Variants in ALDH6A1 observed in about 807,000 individuals in gnomAD.
The protein encoded by ALDH6A1 is methylmalonate-semialdehyde/malonate-semialdehyde dehydrogenase [acylating], mitochondrial.
ALDH6A1 carries 43 observed loss-of-function variants against 62.6 expected under a neutral mutation model. The observed-to-expected ratio is 0.69, with a 90% CI of 0.54 to 0.89. The LOEUF (loss-of-function observed/expected upper bound fraction) is 0.89, where lower values mean the gene tolerates loss of function less well. ALDH6A1 is among the 40% of genes least tolerant of loss of function. The pLI is 0.00. For synonymous variants in ALDH6A1, 194 were observed against 234.2 expected, an observed-to-expected ratio of 0.83 and a Z score of 1.57; for missense variants, 551 against 661.3, an observed-to-expected ratio of 0.83 and a Z score of 1.83.
At chr14:74,079,127 G>A (rs2060644753) in intron 1 of ALDH6A1, among the ~76,000 whole-genome samples, 1 of 151,748 alleles carries the variant, frequency 6.6e-6, no homozygotes, top group South Asian at 2.1e-4. Flanking sequence ...CTCTTCAGGT[G>A]ATACCCACGT....
In ALDH6A1 at chr14:74,080,547, C is replaced by T. The variant is rs2060659912; in HGVS notation, c.48+3800G>A. Among the ~76,000 whole-genome samples the T allele has an allele frequency of 2.6e-5, 4 of 152,002 alleles. 1 individual carries two copies. In the South Asian group the frequency reaches 8.3e-4, roughly 32 times the overall value. On this transcript the variant is annotated intron_variant, in intron 1 of 11. Transcript: ENST00000553458. ...CTCGCTCTCAGGCTCAAGTGATCCT[C>T]TTGCCTCAGTCTCCCAAGTACCTAG...
At chr14:74,075,108 T>C (rs2060597596) in intron 1 of ALDH6A1, 91 bp from the exon 2 acceptor site, 6 of 1,147,186 alleles carry the variant, frequency 5.2e-6, no homozygotes, top group Non-Finnish European at 7.7e-6. Flanking sequence ...TTTGCTATAG[T>C]ATATAGGGGG....
At chr14:74,065,657 C>T (rs897020921) in intron 9 of ALDH6A1, 20 of 338,420 alleles carry the variant, frequency 5.9e-5, no homozygotes, top group East Asian at 1.9e-4. Flanking sequence ...AATACCTGAA[C>T]GACTAGTTTC....
intron 1 of ALDH6A1, among the ~76,000 whole-genome samples, chr14:74,078,731 G>T (rs1037621854): frequency 7.9e-5 from 12 of 151,620 alleles, no homozygotes; most frequent in Admixed American, 6.6e-4. Flanking sequence ...GTTTCAACAT[G>T]TTGGCCAGGC....
At chr14:74,072,454 A>G in intron 3 of ALDH6A1, 83 bp downstream of exon 3, 1 of 1,613,372 alleles carries the variant, frequency 6.2e-7, no homozygotes, top group South Asian at 1.1e-5. Flanking sequence ...GTGCTTTACA[A>G]CAGACACCCA....
rs749630423 is a variant in ALDH6A1 at position 74,075,030 on chromosome 14, A to C, written c.49-13T>G. 18 of 1,613,264 alleles carry C rather than the reference A, an allele frequency of 1.1e-5. No individual in the cohort carries two copies. In the Admixed American group the frequency reaches 1.3e-4, roughly 12 times the overall value. On this transcript the variant is annotated splice_polypyrimidine_tract_variant and intron_variant, in intron 1 of 11. Coordinates refer to ENST00000553458, the MANE Select transcript of ALDH6A1 (RefSeq NM_005589.4). Reference sequence around the variant, plus strand: ...CCTTGGAAGAAACCTGTGAGGCAAAAGAACGATTATTTTGATAAATGAGAG... The same window carrying C: ...CCTTGGAAGAAACCTGTGAGGCAAACGAACGATTATTTTGATAAATGAGAG...
intron 11 of ALDH6A1, among the ~76,000 whole-genome samples, chr14:74,061,758 A>C (rs1023198972): frequency 1.7e-4 from 26 of 152,292 alleles, no homozygotes; most frequent in East Asian, 5.8e-4. Flanking sequence ...ATGTGAGCCC[A>C]AAAATTCAGC....
rs1299458004 is a variant in ALDH6A1 at position 74,057,209 on chromosome 14, G to T, written c.*3433C>A. Reference sequence around the variant, plus strand: ...CAAATTGCAATATCAGACTCTTCTGGTGAAGTGGTGCTACCCACTATTCCA... The same window carrying T: ...CAAATTGCAATATCAGACTCTTCTGTTGAAGTGGTGCTACCCACTATTCCA... On this transcript the variant is annotated 3_prime_UTR_variant, in exon 12 of 12. Coordinates refer to ENST00000553458, the MANE Select transcript of ALDH6A1 (RefSeq NM_005589.4). The T allele has an allele frequency of 6.2e-7, 1 of 1,613,946 alleles. No individual in the cohort carries two copies. The highest frequency in any genetic ancestry group is 8.5e-7 in the Non-Finnish European group (1 of 1,179,986).
chr14:74,060,387 C>T lies in ALDH6A1; in HGVS notation c.*255G>A, dbSNP rs2139722633. 2.2e-6 allele frequency: 1 copy of T among 455,736 alleles called. No homozygotes were observed. The highest frequency in any genetic ancestry group is 2.0e-5 in the African/African-American group (1 of 50,690). 28.2% of individuals were successfully genotyped at this position (455,736 alleles called of 1,614,324 possible). ...TTTTAGAAATCAGGTTTAAGCACTA[C>T]TTTCAGATAAGCATTTCATAGTTAC... On this transcript the variant is annotated 3_prime_UTR_variant, in exon 12 of 12. Coordinates refer to ENST00000553458, the MANE Select transcript of ALDH6A1 (RefSeq NM_005589.4).
Position 74,057,435 on chromosome 14 carries a change from C to T in ALDH6A1, c.*3207G>A. On this transcript the variant is annotated 3_prime_UTR_variant, in exon 12 of 12. Coordinates refer to ENST00000553458, the MANE Select transcript of ALDH6A1 (RefSeq NM_005589.4). The stretch of plus-strand genomic sequence containing the variant: ...TTTTAAAGCAATATCCGTACAAATG[C>T]ATATTATACTAATGCAAATGCAAAT... 2.0e-6 allele frequency: 3 copies of T among 1,496,016 alleles called. No homozygotes were observed. In the South Asian group the frequency reaches 3.9e-5, roughly 19 times the overall value. 92.7% of individuals were successfully genotyped at this position (1,496,016 alleles called of 1,614,324 possible). A position where few individuals can be genotyped will look rare whatever the true frequency, so the allele number is the denominator to read the frequency against.
intron 1 of ALDH6A1, among the ~76,000 whole-genome samples, chr14:74,076,070 C>A (rs8022907): frequency 0.52 from 78,913 of 151,910 alleles, 21,165 homozygotes; most frequent in East Asian, 0.89. Context: ...CTAGGGATGA[C>A]GAGGGAAACT....
chr14:74,080,142 T>G (rs2060656513), intron 1 of ALDH6A1, among the ~76,000 whole-genome samples: 1 of 152,200 alleles, frequency 6.6e-6, no homozygotes, highest in South Asian at 2.1e-4. Context: ...ATAGGGCTAC[T>G]CCTTAACAAG....
Position 74,067,398 on chromosome 14 carries a change from T to G in ALDH6A1, c.1024A>C (p.Asn342His). 6.2e-7 allele frequency: 1 copy of G among 1,613,598 alleles called. No homozygotes were observed. Among genetic ancestry groups the G allele is most frequent in the Non-Finnish European group, 8.5e-7 (1 of 1,180,036 alleles). ...WLPELVEHAK[N>H]LRVNAGDQPG... ...TGATTACCTGCATTGACTCTCAGGT[T>G]TTTGGCATGCTCCACCAGCTCTGGC... is the stretch of plus-strand genomic sequence containing the variant. Residue 342 changes from asparagine (N) to histidine (H), a missense_variant, in exon 8 of 12, where the codon AAC (asparagine) becomes CAC (histidine). Asn to His is a moderately conservative substitution (Grantham distance 68). Coordinates refer to ENST00000553458, the MANE Select transcript of ALDH6A1 (RefSeq NM_005589.4).
Position 74,072,250 on chromosome 14 carries a change from G to A in ALDH6A1, c.301C>T (p.Arg101Cys), listed in dbSNP as rs1339163343. The change falls in exon 4 of 12, where the codon CGC becomes TGC. Residue 101 changes from arginine to cysteine, a missense_variant. Transcript: ENST00000553458. ...TGATAGCGGAGCAAGACCTGCTGGC[G>A]GCTTAATACTGAAGTGTCTGCCCAT... is the stretch of plus-strand genomic sequence containing the variant. Reference protein sequence around the residue: ...PAWADTSVLSRQQVLLRYQQL... With the variant: ...PAWADTSVLSCQQVLLRYQQL... 15 of 1,614,230 alleles carry A rather than the reference G, an allele frequency of 9.3e-6. No individual in the cohort carries two copies. The highest frequency in any genetic ancestry group is 1.1e-5 in the Non-Finnish European group (13 of 1,180,046).
At chr14:74,080,521 C>T (rs765488397) in intron 1 of ALDH6A1, among the ~76,000 whole-genome samples, 14 of 152,028 alleles carry the variant, frequency 9.2e-5, no homozygotes, top group Non-Finnish European at 2.9e-5. Context: ...GTGCACACGA[C>T]CTCGCTCTCA....
At chr14:74,083,678 A>T (rs12232131) in intron 1 of ALDH6A1, among the ~76,000 whole-genome samples, 16,976 of 152,232 alleles carry the variant, frequency 0.11, 1,245 homozygotes, top group Admixed American at 0.19. Context: ...ATCTATGTAA[A>T]CTGTAACTTA....
chr14:74,068,492 G>A (rs998662018), intron 7 of ALDH6A1, among the ~76,000 whole-genome samples: 3 of 152,162 alleles, frequency 2.0e-5, no homozygotes, highest in Non-Finnish European at 2.9e-5. Flanking sequence ...TGTAATCCCA[G>A]CACTTTGGGA....
intron 6 of ALDH6A1, 37 bp from the exon 7 acceptor site, chr14:74,069,018 C>T: frequency 6.2e-7 from 1 of 1,604,986 alleles, no homozygotes; most frequent in Non-Finnish European, 8.5e-7. Flanking sequence ...CACAAAGGAG[C>T]AAATGGATTC....
At chr14:74,082,854 A>G (rs1371924569) in intron 1 of ALDH6A1, 1 of 152,212 alleles carries the variant, frequency 6.6e-6, no homozygotes, top group Admixed American at 6.5e-5. Context: ...ATAAAAGTAC[A>G]TGGAAAGAGA....
Sources: allele counts gnomAD v4.1 joint callset (sites outside exome capture counted in the v4.1 genomes callset), GRCh38; gene constraint gnomAD v4.1.1; transcripts MANE v1.5; gene names NCBI Gene and HGNC (gene_info 2026-07-23, HGNC 2026-07-21).